The following MSI2 variants were observed in gnomAD, a reference collection of about 807,000 sequenced individuals.
MSI2 encodes the protein RNA-binding protein Musashi homolog 2.
In MSI2, 17 loss-of-function variants were observed where a neutral mutation model predicts 45.6. The observed-to-expected ratio is 0.37, with a 90% CI of 0.26 to 0.56. MSI2 has a LOEUF of 0.56. Ranked by LOEUF, MSI2 falls within the 20% of genes least tolerant of loss-of-function variation. The probability of loss-of-function intolerance (pLI) is 0.77; values close to 1 mark genes in which losing one functional copy is unlikely to be tolerated. For missense variants in MSI2, 293 were observed against 444.2 expected, an observed-to-expected ratio of 0.66 and a Z score of 3.06; for synonymous variants, 156 against 158.2, an observed-to-expected ratio of 0.99 and a Z score of 0.11.
intron 5 of MSI2, among the ~76,000 whole-genome samples, chr17:57,328,368 C>T (rs943928559): frequency 1.3e-5 from 2 of 152,164 alleles, no homozygotes; most frequent in African/African-American, 4.8e-5. Context: ...ATCCATCAAT[C>T]CATCCATCCT....
intron 7 of MSI2, among the ~76,000 whole-genome samples, chr17:57,541,362 A>G (rs2087042830): frequency 6.6e-6 from 1 of 152,226 alleles, no homozygotes; most frequent in African/African-American, 2.4e-5. Context: ...ATTCAGGGAA[A>G]TAATCCAGAA....
chr17:57,643,537 A>G (rs1473537376), intron 10 of MSI2, among the ~76,000 whole-genome samples: 2 of 152,132 alleles, frequency 1.3e-5, no homozygotes. Flanking sequence ...GGACAGACAC[A>G]CACCTTCCGC....
At chr17:57,433,920 G>A (rs1006739904) in intron 6 of MSI2, among the ~76,000 whole-genome samples, 5 of 152,162 alleles carry the variant, frequency 3.3e-5, no homozygotes, top group African/African-American at 1.2e-4. Flanking sequence ...GAAATACAAT[G>A]TGATGTTTAA....
At chr17:57,505,665 T>C (rs939235796) in intron 6 of MSI2, among the ~76,000 whole-genome samples, 2 of 152,110 alleles carry the variant, frequency 1.3e-5, no homozygotes, top group Non-Finnish European at 2.9e-5. Context: ...CAAGAGAGAA[T>C]GAAATTTCAG....
At chr17:57,353,307 A>G (rs969947787) in intron 5 of MSI2, among the ~76,000 whole-genome samples, 1 of 152,112 alleles carries the variant, frequency 6.6e-6, no homozygotes, top group Non-Finnish European at 1.5e-5. Flanking sequence ...CCTTGGACCA[A>G]CTGTGGGTAG....
intron 5 of MSI2, among the ~76,000 whole-genome samples, chr17:57,308,220 G>A (rs533286842): frequency 6.6e-6 from 1 of 152,278 alleles, no homozygotes; most frequent in South Asian, 2.1e-4. Context: ...AGTAAGTCAT[G>A]CGAGGTAAAT....
chr17:57,622,251 C>T (rs996782578), intron 9 of MSI2, among the ~76,000 whole-genome samples: 7 of 152,058 alleles, frequency 4.6e-5, no homozygotes, highest in Non-Finnish European at 7.4e-5. Context: ...TCAGACTTTG[C>T]GGCACCGCAC....
At chr17:57,616,648 A>T (rs1452237142) in intron 9 of MSI2, 1 of 151,334 alleles carries the variant, frequency 6.6e-6, no homozygotes, top group African/African-American at 2.4e-5. Context: ...AAAAAAAAAG[A>T]TGAAAGACAA....
At chr17:57,433,108 C>CGA (rs1049452825) in intron 6 of MSI2, among the ~76,000 whole-genome samples, 2 of 152,070 alleles carry the variant, frequency 1.3e-5, no homozygotes, top group African/African-American at 4.8e-5. Context: ...ACCTCCCTTT[C>CGA]GAGAAAGGAT....
At chr17:57,286,547 A>C (rs979949660) in intron 5 of MSI2, among the ~76,000 whole-genome samples, 15 of 150,636 alleles carry the variant, frequency 1.0e-4, no homozygotes, top group African/African-American at 3.7e-4. Flanking sequence ...TAACCAATAA[A>C]AGAGTTTGGC....
chr17:57,575,445 T>A (rs2088011103), intron 7 of MSI2, among the ~76,000 whole-genome samples: 1 of 152,236 alleles, frequency 6.6e-6, no homozygotes, highest in Non-Finnish European at 1.5e-5. Flanking sequence ...TCTTCCAAGC[T>A]GCCGCAGCCT....
chr17:57,522,865 A>G (rs2086621149), intron 6 of MSI2: 1 of 152,176 alleles, frequency 6.6e-6, no homozygotes, highest in Non-Finnish European at 1.5e-5. Flanking sequence ...TCCTGGGAAC[A>G]AGTTTTTTGT....
chr17:57,317,506 CTTTTTTTTTTTTTT>C (rs921448429), intron 5 of MSI2, among the ~76,000 whole-genome samples: 1 of 94,576 alleles, frequency 1.1e-5, no homozygotes, highest in Non-Finnish European at 2.0e-5. Flanking sequence ...TATAGTTTTG[CTTTTTTTTTTTTTT>C]TTTTTTTTGA....
At chr17:57,270,855 G>A (rs1259395553) in intron 5 of MSI2, among the ~76,000 whole-genome samples, 3 of 152,206 alleles carry the variant, frequency 2.0e-5, no homozygotes, top group South Asian at 2.1e-4. Context: ...CTCCTTTCTA[G>A]GGTGAGGGAT....
intron 5 of MSI2, among the ~76,000 whole-genome samples, chr17:57,384,838 C>T (rs945788427): frequency 3.3e-5 from 5 of 152,136 alleles, no homozygotes; most frequent in Non-Finnish European, 7.3e-5. Flanking sequence ...CACAGATTGT[C>T]CTACAGACAC....
intron 6 of MSI2, among the ~76,000 whole-genome samples, chr17:57,442,914 A>G (rs2084826778): frequency 6.6e-6 from 1 of 152,224 alleles, no homozygotes; most frequent in South Asian, 2.1e-4. Flanking sequence ...GAAGGGATGA[A>G]GAAAAGCGCT....
chr17:57,425,081 C>T (rs1255083615), intron 6 of MSI2, among the ~76,000 whole-genome samples: 1 of 152,178 alleles, frequency 6.6e-6, no homozygotes, highest in Admixed American at 6.5e-5. Flanking sequence ...CTATAAAAGC[C>T]TTTCTTCCCA....
intron 5 of MSI2, among the ~76,000 whole-genome samples, chr17:57,284,306 T>A (rs1480306513): frequency 2.0e-5 from 3 of 152,114 alleles, no homozygotes. Context: ...CACTCCTGTG[T>A]TCCCCCTGCC....
chr17:57,569,918 G>A (rs2087831210), intron 7 of MSI2, among the ~76,000 whole-genome samples: 1 of 152,178 alleles, frequency 6.6e-6, no homozygotes, highest in African/African-American at 2.4e-5. Context: ...GGGCCTCTGA[G>A]TGCATCTGCC....
Sources: allele counts gnomAD v4.1 joint callset (sites outside exome capture counted in the v4.1 genomes callset), GRCh38; gene constraint gnomAD v4.1.1; transcripts MANE v1.5; gene names NCBI Gene and HGNC (gene_info 2026-07-23, HGNC 2026-07-21).